Variants in QRICH1 observed in about 807,000 individuals in gnomAD.
The protein encoded by QRICH1 is glutamine rich 1.
In QRICH1, 16 loss-of-function variants were observed where a neutral mutation model predicts 87.1. That is an observed-to-expected ratio of 0.18 (90% CI 0.12 to 0.28). The LOEUF is 0.28. Ranked by LOEUF, QRICH1 falls within the 10% of genes least tolerant of loss-of-function variation. The probability of loss-of-function intolerance (pLI) is 1.00; values close to 1 mark genes in which losing one functional copy is unlikely to be tolerated. For synonymous variants in QRICH1, 367 were observed against 368.4 expected (o/e 1.00, Z 0.05); for missense variants, 647 against 951.7 (o/e 0.68, Z 4.21).
intron 6 of QRICH1, 84 bp downstream of exon 6, chr3:49,044,306 T>C: frequency 1.8e-6 from 2 of 1,094,054 alleles, no homozygotes; most frequent in Non-Finnish European, 2.7e-6. Context: ...CTCACTCACA[T>C]GCTTTTCATA....
At chr3:49,065,264 C>A (rs1460223229) in intron 2 of QRICH1, among the ~76,000 whole-genome samples, 1 of 151,930 alleles carries the variant, frequency 6.6e-6, no homozygotes, top group East Asian at 1.9e-4. Flanking sequence ...CCTGCCTCAG[C>A]CTCCCAAGTA....
Position 49,032,169 on chromosome 3 carries a change from C to T in QRICH1, c.2138+14G>A, listed in dbSNP as rs2106809888. The T allele has an allele frequency of 1.3e-6, 2 of 1,593,566 alleles. No individual in the cohort carries two copies. The highest frequency in any genetic ancestry group is 2.7e-5 in the African/African-American group (2 of 74,594). ...ATGCGCACACATGGACAGCAAGTCA[C>T]AATAAAGCCTCACCATTTGAAGAGG... On this transcript the variant is annotated intron_variant, in intron 9 of 9. Transcript: ENST00000395443.
intron 2 of QRICH1, among the ~76,000 whole-genome samples, chr3:49,061,108 C>T (rs943525797): frequency 2.2e-5 from 3 of 134,552 alleles, no homozygotes; most frequent in Admixed American, 1.8e-4. Context: ...GCATCACAGC[C>T]TGGGTGACAG....
intron 2 of QRICH1, among the ~76,000 whole-genome samples, chr3:49,063,485 T>G (rs2093447210): frequency 6.6e-6 from 1 of 152,148 alleles, no homozygotes; most frequent in Non-Finnish European, 1.5e-5. Flanking sequence ...TTTCAAGATT[T>G]CTTAGTCAAA....
At chr3:49,086,562 C>T (rs1484010011) in intron 1 of QRICH1, among the ~76,000 whole-genome samples, 1 of 152,094 alleles carries the variant, frequency 6.6e-6, no homozygotes, top group Non-Finnish European at 1.5e-5. Flanking sequence ...TGTATTTCCT[C>T]CTACTGGAGC....
chr3:49,083,959 G>C (rs544361464), intron 1 of QRICH1, among the ~76,000 whole-genome samples: 2 of 152,020 alleles, frequency 1.3e-5, no homozygotes, highest in East Asian at 3.9e-4. Flanking sequence ...CTGCCACCGT[G>C]CCTGGCTAAT....
At chr3:49,050,422 CAAAAAAAAAAAAAA>C (rs552220438) in intron 3 of QRICH1, among the ~76,000 whole-genome samples, 3 of 58,616 alleles carry the variant, frequency 5.1e-5, no homozygotes, top group African/African-American at 1.7e-4. Flanking sequence ...GACTCTGTCT[CAAAAAAAAAAAAAA>C]AAAAAAAAAA....
intron 6 of QRICH1, 157 bp from the exon 7 acceptor site, chr3:49,033,385 A>C: frequency 2.4e-6 from 1 of 420,652 alleles, no homozygotes; most frequent in South Asian, 7.7e-5. Context: ...AAGCTTCTTA[A>C]AACACAGATA....
chr3:49,085,695 T>G (rs979563741), intron 1 of QRICH1, among the ~76,000 whole-genome samples: 1 of 150,406 alleles, frequency 6.6e-6, no homozygotes, highest in East Asian at 2.0e-4. Context: ...GAGGTGGAGG[T>G]TGCAGTGAGC....
intron 3 of QRICH1, 72 bp downstream of exon 3, chr3:49,056,790 C>A: frequency 6.2e-7 from 1 of 1,605,372 alleles, no homozygotes; most frequent in Non-Finnish European, 8.5e-7. Context: ...CCAGAGGTTG[C>A]GAGGCAAGCT....
Position 49,044,449 on chromosome 3 carries a change from C to T in QRICH1, c.1727G>A (p.Arg576Gln), listed in dbSNP as rs753531577. Residue 576 changes from arginine (R) to glutamine (Q), a missense_variant, in exon 6 of 10, where the codon CGG becomes CAG. This residue lies in a region of QRICH1 where 187 missense variants were observed against 309.5 expected (regional missense o/e 0.60). Coordinates refer to ENST00000395443, the MANE Select transcript of QRICH1 (RefSeq NM_198880.3). Reference protein sequence around the residue: ...DDIFSDLYYVRFTEWLHEVLK... With the variant: ...DDIFSDLYYVQFTEWLHEVLK... ...AACTTCATGTAGCCACTCCGTGAAC[C>T]GAACATAATAAAGATCGGAGAAAAT... The T allele has an allele frequency of 1.2e-6, 2 of 1,613,370 alleles. No individual in the cohort carries two copies. Among genetic ancestry groups the T allele is most frequent in the Non-Finnish European group, 8.5e-7 (1 of 1,179,844 alleles).
intron 1 of QRICH1, among the ~76,000 whole-genome samples, chr3:49,085,832 T>G (rs1463215254): frequency 6.6e-6 from 1 of 151,632 alleles, no homozygotes; most frequent in Non-Finnish European, 1.5e-5. Flanking sequence ...AGACTTAACT[T>G]CAAGATGCTG....
intron 9 of QRICH1, 87 bp downstream of exon 9, chr3:49,032,096 C>G (rs944848223): frequency 9.0e-7 from 1 of 1,107,102 alleles, no homozygotes; most frequent in Non-Finnish European, 1.4e-6. Flanking sequence ...ATGCCTCTCC[C>G]CTATGATAAG....
Position 49,030,332 on chromosome 3 carries a change from G to C in QRICH1, c.*120C>G. ...TTTATATTTTAAACAGAAGCAGCCTGAAAGGCTTCGTAACTACACCAATAA... is the reference window on the plus strand; with the variant it reads ...TTTATATTTTAAACAGAAGCAGCCTCAAAGGCTTCGTAACTACACCAATAA... On this transcript the variant is annotated 3_prime_UTR_variant, in exon 10 of 10. Coordinates refer to ENST00000395443, the MANE Select transcript of QRICH1 (RefSeq NM_198880.3). 1.0e-6 allele frequency: 1 copy of C among 960,964 alleles called. No individual in the cohort carries two copies. The highest frequency in any genetic ancestry group is 1.5e-6 in the Non-Finnish European group (1 of 665,120). The allele number at this position is 960,964 out of a possible 1,614,324, so 59.5% of individuals were successfully genotyped here.
chr3:49,093,688 G>A (rs1452369309), intron 1 of QRICH1: 5 of 221,784 alleles, frequency 2.3e-5, no homozygotes, highest in African/African-American at 6.9e-5. Flanking sequence ...GCCCGCACCG[G>A]CGCGCCATCT....
rs774037516 is a variant in QRICH1, at chr3:49,057,618, T to C, written c.582A>G (p.Gln194=). 7 of 1,614,094 alleles carry C rather than the reference T, an allele frequency of 4.3e-6. No homozygotes were observed. The highest frequency in any genetic ancestry group is 3.3e-4 in the Middle Eastern group (2 of 6,062). ...GGCCAGCCACCAGCTGAGCCTGGATTTGCTGATGTGGGATGTGCTCCTCCG... is the reference window on the plus strand; with the variant it reads ...GGCCAGCCACCAGCTGAGCCTGGATCTGCTGATGTGGGATGTGCTCCTCCG... The part of the protein sequence containing the change: ...EIPEEHIPHQ[Q]IQAQLVAGQS... The change falls in exon 3 of 10, where the codon CAA becomes CAG. Residue 194 remains glutamine, a synonymous_variant. Coordinates refer to ENST00000395443, the MANE Select transcript of QRICH1 (RefSeq NM_198880.3). This position sits in a 1 kb window ranked among gnomAD's most constrained non-coding sequence, Gnocchi z 5.4.
At chr3:49,059,429 T>C (rs1333930085) in intron 2 of QRICH1, among the ~76,000 whole-genome samples, 1 of 151,136 alleles carries the variant, frequency 6.6e-6, no homozygotes, top group South Asian at 2.1e-4. Flanking sequence ...GCTAATTTTT[T>C]TTTTTTTTTT....
chr3:49,060,225 GCT>G (rs1559940289), intron 2 of QRICH1, among the ~76,000 whole-genome samples: 1 of 150,520 alleles, frequency 6.6e-6, no homozygotes, highest in African/African-American at 2.4e-5. Context: ...ACCAAGTCTC[GCT>G]CTGTCGCCCA....
intron 6 of QRICH1, among the ~76,000 whole-genome samples, chr3:49,041,413 G>A (rs1257437829): frequency 6.6e-6 from 1 of 151,888 alleles, no homozygotes; most frequent in African/African-American, 2.4e-5. Context: ...GACTGGTCTT[G>A]AACTCCTGGG....
Sources: allele counts gnomAD v4.1 joint callset (sites outside exome capture counted in the v4.1 genomes callset), GRCh38; gene constraint gnomAD v4.1.1; regional missense constraint gnomAD v4.1.1; non-coding constraint Gnocchi (gnomAD v3.1); transcripts MANE v1.5; gene names NCBI Gene and HGNC (gene_info 2026-07-23, HGNC 2026-07-21).